Variants in WASHC2C observed in about 807,000 individuals in gnomAD.
The protein encoded by WASHC2C is WASH complex subunit 2C, also known as Vaccinia Penetration Factor.
WASHC2C carries 73 observed loss-of-function variants against 142.2 expected under a neutral mutation model. The observed-to-expected ratio is 0.51, with a 90% CI of 0.43 to 0.62. The LOEUF is 0.62. Ranked by LOEUF, WASHC2C falls within the 20% of genes least tolerant of loss-of-function variation. WASHC2C has a pLI of 0.00. For missense variants in WASHC2C, 969 were observed against 1,531.7 expected, an observed-to-expected ratio of 0.63 and a Z score of 6.13; for synonymous variants, 337 against 565.5, an observed-to-expected ratio of 0.60 and a Z score of 5.73.
intron 16 of WASHC2C, among the ~76,000 whole-genome samples, chr10:45,758,653 G>A (rs1814584): frequency 1.1e-4 from 16 of 147,670 alleles, no homozygotes; most frequent in South Asian, 2.1e-4. Context: ...TGTTGCCCAG[G>A]CTGGAGTGTA....
At chr10:45,753,310 C>G (rs1554875673) in intron 13 of WASHC2C, 73 bp downstream of exon 13, 1 of 1,198,556 alleles carries the variant, frequency 8.3e-7, no homozygotes, top group East Asian at 3.0e-5. Context: ...GGAGATGGAA[C>G]AAGGTTGTTC....
At chr10:45,791,311 A>G (rs2058381165) in intron 30 of WASHC2C, among the ~76,000 whole-genome samples, 2 of 152,076 alleles carry the variant, frequency 1.3e-5, no homozygotes, top group African/African-American at 4.8e-5. Flanking sequence ...TTTAAATACA[A>G]AAAAAGTAAT....
chr10:45,790,289 G>A lies in WASHC2C; in HGVS notation c.3709-67G>A. 1.9e-6 allele frequency: 3 copies of A among 1,607,904 alleles called. No homozygotes were observed. In the South Asian group the frequency reaches 3.3e-5, roughly 18 times the overall value. ...GCCAATTGCATTTCCATAGCTTGTT[G>A]ACGTGTTTGAGTTTAAAAAGAAAAA... is the stretch of plus-strand genomic sequence containing the variant. On this transcript the variant is annotated intron_variant, in intron 29 of 30. Transcript: ENST00000623400.
intron 26 of WASHC2C, 172 bp from the exon 27 acceptor site, chr10:45,786,440 G>A (rs549968454): frequency 2.8e-5 from 23 of 818,418 alleles, no homozygotes; most frequent in Admixed American, 1.7e-4. Context: ...GGAGGCATAC[G>A]TGAAGTAGTG....
At chr10:45,729,545 G>C (rs574080314) in intron 3 of WASHC2C, among the ~76,000 whole-genome samples, 1 of 152,078 alleles carries the variant, frequency 6.6e-6, no homozygotes, top group Non-Finnish European at 1.5e-5. Flanking sequence ...TGTGATTTCT[G>C]TCTATTTACT....
intron 20 of WASHC2C, 99 bp from the exon 21 acceptor site, chr10:45,773,157 G>A: frequency 1.9e-6 from 1 of 537,364 alleles, no homozygotes; most frequent in Non-Finnish European, 3.3e-6. Context: ...GGTGGTAGGT[G>A]GATTCCTGTA....
At chr10:45,742,583 T>G (rs1482564632) in intron 5 of WASHC2C, among the ~76,000 whole-genome samples, 1 of 152,280 alleles carries the variant, frequency 6.6e-6, no homozygotes, top group African/African-American at 2.4e-5. Context: ...CCCAAAGTGC[T>G]GGGATTACAG....
At chr10:45,736,230 C>T (rs1554864608) in intron 3 of WASHC2C, among the ~76,000 whole-genome samples, 1 of 151,056 alleles carries the variant, frequency 6.6e-6, no homozygotes, top group East Asian at 1.9e-4. Context: ...TGGTGAAACC[C>T]CATCTCTACT....
chr10:45,763,159 G>A lies in WASHC2C; in HGVS notation c.1636-229G>A, dbSNP rs531766049. 7.2e-3 allele frequency among the ~76,000 whole-genome samples: 1,101 copies of A among 152,102 alleles called. 13 individuals are homozygous for A. Among genetic ancestry groups the A allele is most frequent in the Non-Finnish European group, 8.4e-3 (573 of 68,010 alleles). On this transcript the variant is annotated intron_variant, in intron 17 of 30. Coordinates refer to ENST00000623400, the MANE Select transcript of WASHC2C (RefSeq NM_001330074.2). The stretch of plus-strand genomic sequence containing the variant: ...GAATACAGAAGCCCCTGGGCTCTGC[G>A]AGCCCACCAGATCCTGTAGCTCTCC...
chr10:45,764,665 G>A (rs1462098102), intron 18 of WASHC2C, among the ~76,000 whole-genome samples: 1 of 152,108 alleles, frequency 6.6e-6, no homozygotes, highest in Non-Finnish European at 1.5e-5. Context: ...CAGACCCCTG[G>A]GTTCATATCC....
chr10:45,782,558 T>G (rs1227280513), intron 23 of WASHC2C, among the ~76,000 whole-genome samples: 7 of 150,676 alleles, frequency 4.6e-5, no homozygotes, highest in Non-Finnish European at 8.9e-5. Context: ...TTTGCTGTTC[T>G]TCAAATTCTT....
chr10:45,761,637 A>T (rs527315681), intron 17 of WASHC2C, among the ~76,000 whole-genome samples: 12 of 152,270 alleles, frequency 7.9e-5, no homozygotes, highest in Admixed American at 2.0e-4. Flanking sequence ...TCCTTTCTCT[A>T]TATCTGAAGT....
intron 3 of WASHC2C, among the ~76,000 whole-genome samples, chr10:45,733,215 A>G (rs1408001817): frequency 1.3e-5 from 2 of 152,334 alleles, no homozygotes; most frequent in Admixed American, 6.5e-5. Context: ...TAATTTTACA[A>G]TTATTGATGG....
At chr10:45,750,686 G>A (rs372274873) in intron 9 of WASHC2C, 65 bp from the exon 10 acceptor site, 3 of 1,448,220 alleles carry the variant, frequency 2.1e-6, no homozygotes, top group Non-Finnish European at 2.8e-6. Flanking sequence ...ATGTTGTTAG[G>A]TGTCCAAAGT....
At chr10:45,770,111 C>T (rs1254934765) in intron 20 of WASHC2C, among the ~76,000 whole-genome samples, 5 of 151,456 alleles carry the variant, frequency 3.3e-5, no homozygotes, top group Non-Finnish European at 7.4e-5. Flanking sequence ...TGTGGTGGCA[C>T]GCGCCTGTAG....
chr10:45,765,260 C>G (rs1287556416), intron 18 of WASHC2C, among the ~76,000 whole-genome samples: 6,818 of 147,532 alleles, frequency 0.046, 201 homozygotes, highest in African/African-American at 0.094. Context: ...TCTCTCCTTT[C>G]AGCCATTGTT....
chr10:45,758,606 CT>C (rs60416109), intron 16 of WASHC2C, among the ~76,000 whole-genome samples: 19,813 of 127,698 alleles, frequency 0.16, 1,386 homozygotes, highest in Non-Finnish European at 0.21. Flanking sequence ...CATTCTTCTT[CT>C]TTTTTTTTTT....
chr10:45,788,021 C>G (rs1363836997), intron 28 of WASHC2C, among the ~76,000 whole-genome samples: 2 of 152,202 alleles, frequency 1.3e-5, no homozygotes, highest in Non-Finnish European at 2.9e-5. Flanking sequence ...AATGACCTAC[C>G]CTGACAAATA....
intron 23 of WASHC2C, among the ~76,000 whole-genome samples, chr10:45,783,518 G>C (rs1308299892): frequency 1.3e-5 from 2 of 152,158 alleles, no homozygotes; most frequent in East Asian, 3.8e-4. Context: ...CTGGAGTGCA[G>C]TGGCATGATC....
Sources: gnomAD v4.1 joint callset for allele counts (sites outside exome capture counted in the v4.1 genomes callset) on GRCh38, gnomAD v4.1.1 for gene constraint, MANE v1.5 for transcripts, NCBI Gene and HGNC (gene_info 2026-07-23, HGNC 2026-07-21) for gene names.